Variants in TENM1 observed in about 807,000 individuals in gnomAD.
TENM1 encodes teneurin-1.
Under a neutral mutation model 174.8 loss-of-function variants are expected in TENM1, and 35 were observed. That is an observed-to-expected ratio of 0.20 (90% CI 0.15 to 0.27). TENM1 has a LOEUF of 0.27. Ranked by LOEUF, TENM1 falls within the 10% of genes least tolerant of loss-of-function variation. TENM1 has a pLI of 1.00. For missense variants in TENM1, 1,633 were observed against 2,130.1 expected (o/e 0.77, Z 4.59); for synonymous variants, 781 against 798.7 (o/e 0.98, Z 0.37).
chrX:125,092,181 C>T, the TENM1 span, among the ~76,000 whole-genome samples: 2 of 110,424 alleles, frequency 1.8e-5, no homozygotes, highest in Non-Finnish European at 3.8e-5. Flanking sequence ...TTAAAGCACA[C>T]ATCAAAATGA....
exon 30 of TENM1, chrX:124,383,725 C>T: frequency 8.3e-7 from 1 of 1,210,241 alleles, no homozygotes; most frequent in Non-Finnish European, 1.1e-6. Flanking sequence ...GGAGGTTCAA[C>T]TGTTTCCATA....
At chrX:124,593,259 C>A (rs950674999) in intron 11 of TENM1, among the ~76,000 whole-genome samples, 1 of 111,528 alleles carries the variant, frequency 9.0e-6, no homozygotes, top group African/African-American at 3.3e-5. Flanking sequence ...GATCTCTGCA[C>A]AGGAAGGATG....
chrX:124,779,942 C>A (rs1460462479), intron 3 of TENM1, among the ~76,000 whole-genome samples: 1 of 111,712 alleles, frequency 9.0e-6, no homozygotes, highest in African/African-American at 3.2e-5. Flanking sequence ...GTCTGTCTGA[C>A]CTCAAATATT....
chrX:125,116,081 A>G, the TENM1 span, among the ~76,000 whole-genome samples: 1 of 111,716 alleles, frequency 9.0e-6, no homozygotes, highest in Non-Finnish European at 1.9e-5. Flanking sequence ...AGGCCTCAGA[A>G]ATAATGCCAC....
intron 16 of TENM1, among the ~76,000 whole-genome samples, chrX:124,524,791 A>ACCTTT (rs1200758089): frequency 6.9e-5 from 6 of 86,764 alleles, no homozygotes; most frequent in African/African-American, 3.7e-4. Context: ...GCACTAGATT[A>ACCTTT]CTTCTCTTTT....
chrX:125,202,703 T>C, the TENM1 span, among the ~76,000 whole-genome samples: 5 of 101,126 alleles, frequency 4.9e-5, no homozygotes, highest in African/African-American at 1.8e-4. Context: ...CATCTACTAG[T>C]GGAGTGAGAT....
chrX:124,770,948 T>C (rs1217182898), intron 3 of TENM1, among the ~76,000 whole-genome samples: 1 of 112,159 alleles, frequency 8.9e-6, no homozygotes, highest in Non-Finnish European at 1.9e-5. Context: ...AAAATGTAGA[T>C]ACTGATATAA....
chrX:124,627,927 G>A (rs759017501), intron 11 of TENM1, among the ~76,000 whole-genome samples: 1 of 111,521 alleles, frequency 9.0e-6, no homozygotes, highest in African/African-American at 3.3e-5. Context: ...ACAGGTTATC[G>A]TTAGGTATTT....
At chrX:124,846,492 T>A (rs188336386) in intron 3 of TENM1, among the ~76,000 whole-genome samples, 5 of 111,439 alleles carry the variant, frequency 4.5e-5, no homozygotes, top group African/African-American at 1.6e-4. Flanking sequence ...ATTTCCTTTT[T>A]TATTTTGTTT....
chrX:125,184,794 A>C, the TENM1 span, among the ~76,000 whole-genome samples: 1 of 111,618 alleles, frequency 9.0e-6, no homozygotes, highest in African/African-American at 3.3e-5. Flanking sequence ...TGCAAGATAT[A>C]GGTAGCAAAG....
chrX:124,975,057 A>T, the TENM1 span, among the ~76,000 whole-genome samples: 1 of 107,102 alleles, frequency 9.3e-6, no homozygotes, highest in African/African-American at 3.4e-5. Flanking sequence ...TACCTAGCAT[A>T]TTTCTATCCC....
At chrX:124,729,478 G>C (rs2053514657) in intron 4 of TENM1, among the ~76,000 whole-genome samples, 1 of 112,147 alleles carries the variant, frequency 8.9e-6, no homozygotes, top group Non-Finnish European at 1.9e-5. Flanking sequence ...TTTAGTCCAG[G>C]GATGTTGGAG....
intron 11 of TENM1, among the ~76,000 whole-genome samples, chrX:124,585,238 G>T (rs2049465811): frequency 1.8e-5 from 2 of 111,231 alleles, no homozygotes; most frequent in Admixed American, 9.6e-5. Context: ...TATACATTTT[G>T]TTCAGCACCA....
chrX:124,669,281 TTTAAAGCCAGG>T (rs2051861714), intron 6 of TENM1, among the ~76,000 whole-genome samples: 1 of 111,588 alleles, frequency 9.0e-6, no homozygotes, highest in African/African-American at 3.3e-5. Flanking sequence ...ACAGTTAGTA[TTTAAAGCCAGG>T]TCTCTCTGAC....
chrX:124,582,544 G>A (rs1039710366), intron 11 of TENM1, among the ~76,000 whole-genome samples: 2 of 111,664 alleles, frequency 1.8e-5, no homozygotes, highest in African/African-American at 6.5e-5. Flanking sequence ...AACATTATTG[G>A]TATATAGAAA....
chrX:124,418,562 C>G (rs753025968), intron 25 of TENM1, among the ~76,000 whole-genome samples: 3 of 112,017 alleles, frequency 2.7e-5, no homozygotes, highest in South Asian at 3.8e-4. Flanking sequence ...TCTTCCTCAT[C>G]TTCCTCCAGT....
chrX:124,443,888 A>G (rs189411279), intron 23 of TENM1, among the ~76,000 whole-genome samples: 1 of 112,059 alleles, frequency 8.9e-6, no homozygotes, highest in Admixed American at 9.4e-5. Flanking sequence ...CTCACTAAAA[A>G]CTGTATTTTA....
chrX:124,835,797 G>A (rs755908473), intron 3 of TENM1, among the ~76,000 whole-genome samples: 2 of 112,040 alleles, frequency 1.8e-5, no homozygotes, highest in East Asian at 5.6e-4. Flanking sequence ...GACTCCATAA[G>A]TGAAAAATGA....
the TENM1 span, among the ~76,000 whole-genome samples, chrX:125,022,888 G>A: frequency 1.8e-5 from 2 of 111,391 alleles, no homozygotes; most frequent in Admixed American, 1.9e-4. Context: ...CTTATGTTCA[G>A]TAATCATCTG....
Sources: gnomAD v4.1 joint callset for allele counts (sites outside exome capture counted in the v4.1 genomes callset) on GRCh38, gnomAD v4.1.1 for gene constraint, MANE v1.5 for transcripts, NCBI Gene and HGNC (gene_info 2026-07-23, HGNC 2026-07-21) for gene names.